The following STK11 variants were observed in gnomAD, a reference collection of about 807,000 sequenced individuals.
STK11 encodes serine/threonine-protein kinase STK11.
In STK11, 8 loss-of-function variants were observed where a neutral mutation model predicts 47.3. That is an observed-to-expected ratio of 0.17 (90% CI 0.10 to 0.31). STK11 has a LOEUF of 0.31. Among genes scored for constraint, STK11 ranks in the 10% least tolerant of loss-of-function variants. The pLI is 1.00. For missense variants in STK11, 475 were observed against 605.0 expected, an observed-to-expected ratio of 0.79 and a Z score of 2.25; for synonymous variants, 330 against 255.8, an observed-to-expected ratio of 1.29 and a Z score of -2.77.
Position 1,208,744 on chromosome 19 carries a change from A to C in STK11, c.290+1541A>C, listed in dbSNP as rs199828980. ...GTGATTCTCGTGCCTCAGCCTCCCG[A>C]GTAGCTGGGATTACAGGTGCCTGCC... On this transcript the variant is annotated intron_variant, in intron 1 of 9. Coordinates refer to ENST00000326873, the MANE Select transcript of STK11 (RefSeq NM_000455.5). Among the ~76,000 whole-genome samples the C allele has an allele frequency of 7.8e-4, 108 of 137,758 alleles. 2 individuals carry two copies. The East Asian group carries it at 0.021, about 27-fold the overall frequency. 90.4% of individuals were successfully genotyped at this position (137,758 alleles called of 152,430 possible). A position where few individuals can be genotyped will look rare whatever the true frequency, so the allele number is the denominator to read the frequency against.
At position 1,226,522 on chromosome 19, in the gene STK11, A is replaced by G. The variant is rs2145436083; in HGVS notation, c.1177A>G (p.Asn393Asp). 6.2e-7 allele frequency: 1 copy of G among 1,609,696 alleles called. No homozygotes were observed. The change falls in exon 9 of 10, where the codon AAC becomes GAC. Residue 393 changes from asparagine to aspartate, a missense_variant. By Grantham distance (23) the Asn-to-Asp change is conservative. This residue lies in a region of STK11 where 219 missense variants were observed against 189.2 expected (regional missense o/e 1.16). Transcript: ENST00000326873. Reference protein sequence around the residue: ...RRGLPKAVCMNGTEAAQLSTK... With the variant: ...RRGLPKAVCMDGTEAAQLSTK... ...GGGCCTCCCCAAGGCCGTGTGTATG[A>G]ACGGCACAGAGGCGGCGCAGCTGAG...
chr19:1,226,899 G>A (rs570302144), intron 9 of STK11: 7 of 542,342 alleles, frequency 1.3e-5, no homozygotes, highest in Non-Finnish European at 2.2e-5. Context: ...GGGGCTCTGG[G>A]GGGGCGTGCC....
intron 8 of STK11, 121 bp downstream of exon 8, chr19:1,223,293 C>T (rs2080799203): frequency 8.1e-7 from 1 of 1,230,784 alleles, no homozygotes; most frequent in Admixed American, 2.1e-5. Flanking sequence ...AATCCCACGT[C>T]CCCAAAGCCT....
In STK11 at chr19:1,208,391, T is replaced by C. The variant is rs1224200877; in HGVS notation, c.290+1188T>C. 7.4e-5 allele frequency among the ~76,000 whole-genome samples: 11 copies of C among 147,958 alleles called. 1 individual carries two copies. The highest frequency in any genetic ancestry group is 6.2e-4 in the Admixed American group (9 of 14,550). Reference sequence around the variant, plus strand: ...GGCGCGAACTGGGCTCACTGCAAGCTCCGCCTCCCGGGTTCATGCCATTCT... The same window carrying C: ...GGCGCGAACTGGGCTCACTGCAAGCCCCGCCTCCCGGGTTCATGCCATTCT... On this transcript the variant is annotated intron_variant, in intron 1 of 9. Coordinates refer to ENST00000326873, the MANE Select transcript of STK11 (RefSeq NM_000455.5).
chr19:1,224,851 C>A, intron 8 of STK11: 1 of 985,588 alleles, frequency 1.0e-6, no homozygotes, highest in Non-Finnish European at 1.2e-6. Context: ...AGGTGGACGC[C>A]CCTCCCACTG....
chr19:1,218,523 C>T (rs755914346), intron 2 of STK11, 23 bp downstream of exon 2: 15 of 1,605,632 alleles, frequency 9.3e-6, no homozygotes, highest in Non-Finnish European at 1.2e-5. Context: ...GTGTTGGGAC[C>T]GCGGGGCCTC....
chr19:1,223,369 A>T (rs1051562676), intron 8 of STK11, among the ~76,000 whole-genome samples, 197 bp downstream of exon 8: 1 of 152,236 alleles, frequency 6.6e-6, no homozygotes, highest in Non-Finnish European at 1.5e-5. Context: ...GTGTGGGGTC[A>T]GCGGGGGCAC....
At chr19:1,210,246 A>G (rs760882840) in intron 1 of STK11, among the ~76,000 whole-genome samples, 6 of 152,186 alleles carry the variant, frequency 3.9e-5, no homozygotes, top group Non-Finnish European at 7.4e-5. Flanking sequence ...CCCAGCCCTG[A>G]GGCCCAAGGC....
chr19:1,219,680 G>A (rs1212676834), intron 3 of STK11, among the ~76,000 whole-genome samples: 1 of 152,126 alleles, frequency 6.6e-6, no homozygotes, highest in African/African-American at 2.4e-5. Context: ...CGAGTAGCTG[G>A]GATTACAGGC....
chr19:1,217,077 G>A (rs996066466), intron 1 of STK11, among the ~76,000 whole-genome samples: 14 of 151,920 alleles, frequency 9.2e-5, no homozygotes, highest in South Asian at 4.2e-4. Context: ...TCTGCGTGGC[G>A]TGTACTGTTC....
chr19:1,227,502 G>A lies in STK11; in HGVS notation c.*17-91G>A, dbSNP rs369448599. 250 of 1,057,152 alleles carry A rather than the reference G, an allele frequency of 2.4e-4. 1 individual carries two copies. In the African/African-American group the frequency reaches 3.8e-3, roughly 16 times the overall value. The allele number at this position is 1,057,152 out of a possible 1,614,324, so 65.5% of individuals were successfully genotyped here. A position where few individuals can be genotyped will look rare whatever the true frequency, so the allele number is the denominator to read the frequency against. On this transcript the variant is annotated intron_variant, in intron 9 of 9. Transcript: ENST00000326873. ...CCAGGAGTCCGGTAGCCCCATGACT[G>A]TACCTCAGCTTCTCCATCCTCCCAG...
intron 1 of STK11, among the ~76,000 whole-genome samples, chr19:1,212,273 C>CTTTTT (rs775284754): frequency 2.2e-5 from 2 of 89,838 alleles, no homozygotes; most frequent in African/African-American, 5.9e-5. Context: ...TTCTTAACAC[C>CTTTTT]TTTTTTTTTT....
Position 1,218,403 on chromosome 19 carries a change from CCT to C in STK11, c.291-9_291-8del. ...GTTGGGTCGGCTGATACACCCCTGT[CCT>C]CTCTGTCCCAGGGAAATTCAACTAC... On this transcript the variant is annotated splice_polypyrimidine_tract_variant and intron_variant, in intron 1 of 9. Coordinates refer to ENST00000326873, the MANE Select transcript of STK11 (RefSeq NM_000455.5). 6.2e-7 allele frequency: 1 copy of C among 1,609,608 alleles called. No individual in the cohort carries two copies. The highest frequency in any genetic ancestry group is 2.2e-5 in the East Asian group (1 of 44,864).
chr19:1,226,226 A>G, intron 8 of STK11: 2 of 1,381,698 alleles, frequency 1.4e-6, no homozygotes, highest in Non-Finnish European at 1.9e-6. Context: ...GACGTGGTGG[A>G]GGGGACACTC....
At position 1,217,180 on chromosome 19, in the gene STK11, G is replaced by A. The variant is rs572160848; in HGVS notation, c.291-1237G>A. Among the ~76,000 whole-genome samples the A allele has an allele frequency of 1.2e-4, 18 of 152,268 alleles. No homozygotes were observed. In the South Asian group the frequency reaches 3.3e-3, roughly 28 times the overall value. ...ACGCTTCCACGCCCACCCACTGGGT[G>A]TGAGGACCTTGCTCCTCGTCATTTT... On this transcript the variant is annotated intron_variant, in intron 1 of 9. Coordinates refer to ENST00000326873, the MANE Select transcript of STK11 (RefSeq NM_000455.5).
Position 1,215,325 on chromosome 19 carries a change from G to A in STK11, c.291-3092G>A, listed in dbSNP as rs543873946. 5.1e-4 allele frequency among the ~76,000 whole-genome samples: 77 copies of A among 152,342 alleles called. 1 individual carries two copies. The highest frequency in any genetic ancestry group is 1.8e-3 in the African/African-American group (75 of 41,588). On this transcript the variant is annotated intron_variant, in intron 1 of 9. Transcript: ENST00000326873. ...AGCCCAGAGAGAACGGAAACACAGG[G>A]CTTCTCAGCGAGCAGACCAGGCCTG...
At chr19:1,224,149 G>C (rs1219696102) in intron 8 of STK11, 1 of 987,722 alleles carries the variant, frequency 1.0e-6, no homozygotes, top group East Asian at 1.1e-4. Context: ...CCCCAGGAGA[G>C]TACAGTGTGG....
chr19:1,220,525 G>GGCCCTGGGGC lies in STK11; in HGVS notation c.597+25_597+34dup. The GGCCCTGGGGC allele has an allele frequency of 1.3e-6, 2 of 1,590,052 alleles. No individual in the cohort carries two copies. The highest frequency in any genetic ancestry group is 1.7e-6 in the Non-Finnish European group (2 of 1,167,710). On this transcript the variant is annotated intron_variant, in intron 4 of 9. Transcript: ENST00000326873. ...GCCGAGGTAGGCACGTGCTAGGGGG[G>GGCCCTGGGGC]GCCCTGGGGCGCCCCCTCCCGGGCA... is the stretch of plus-strand genomic sequence containing the variant.
At chr19:1,207,607 C>T (rs952095115) in intron 1 of STK11, among the ~76,000 whole-genome samples, 5 of 152,172 alleles carry the variant, frequency 3.3e-5, no homozygotes, top group African/African-American at 1.2e-4. Context: ...GCCGCCAACA[C>T]GTTTTCTGCG....
Sources: allele counts gnomAD v4.1 joint callset (sites outside exome capture counted in the v4.1 genomes callset), GRCh38; gene constraint gnomAD v4.1.1; regional missense constraint gnomAD v4.1.1; transcripts MANE v1.5; gene names NCBI Gene and HGNC (gene_info 2026-07-23, HGNC 2026-07-21).